ITPR2: variants seen among roughly 807,000 people sequenced by gnomAD.
ITPR2 encodes inositol 1,4,5-trisphosphate-gated calcium channel ITPR2.
ITPR2 carries 207 observed loss-of-function variants against 317.1 expected under a neutral mutation model. The ratio of observed to expected loss-of-function variants is 0.65; its 90% CI spans 0.58 to 0.73. The LOEUF (loss-of-function observed/expected upper bound fraction) is 0.73. Ranked by LOEUF, ITPR2 falls within the 30% of genes least tolerant of loss-of-function variation. The pLI is 0.00. For synonymous variants in ITPR2, 1,156 were observed against 1,149.1 expected (o/e 1.01, Z -0.12); for missense variants, 2,613 against 3,284.0 (o/e 0.80, Z 4.99).
chr12:26,440,906 TGGA>T (rs1941473385), intron 46 of ITPR2, among the ~76,000 whole-genome samples: 1 of 152,154 alleles, frequency 6.6e-6, no homozygotes, highest in Non-Finnish European at 1.5e-5. Context: ...CTGAAGGAAA[TGGA>T]GGTGTGTTAA....
rs1337970776 is a variant in ITPR2, at chr12:26,461,621, CATATAAATATATATAT to C, written c.6342+13659_6342+13674del. On this transcript the variant is annotated intron_variant, in intron 45 of 56. Coordinates refer to ENST00000381340, the MANE Select transcript of ITPR2 (RefSeq NM_002223.4). ...AAGCTGACAATAAGAAAAAGAAAAG[CATATAAATATATATAT>C]ATATATATATATATATATATATATA... is the stretch of plus-strand genomic sequence containing the variant. 9.5e-4 allele frequency among the ~76,000 whole-genome samples: 114 copies of C among 119,426 alleles called. 4 individuals carry two copies. The highest frequency in any genetic ancestry group is 4.1e-3 in the African/African-American group (101 of 24,500). The allele number at this position is 119,426 out of a possible 152,430, so 78.3% of individuals were successfully genotyped here.
rs112882145 is a variant in ITPR2, at chr12:26,449,801, T to C, written c.6343-6151A>G. On this transcript the variant is annotated intron_variant, in intron 45 of 56. Coordinates refer to ENST00000381340, the MANE Select transcript of ITPR2 (RefSeq NM_002223.4). ...TTGGGAGCCACACTAAATGCCAGTG[T>C]GAGGAGTTCAAATACAGAATACTGT... Among the ~76,000 whole-genome samples the C allele has an allele frequency of 2.4e-3, 372 of 152,178 alleles. 4 individuals carry two copies. The highest frequency in any genetic ancestry group is 8.6e-3 in the African/African-American group (356 of 41,506).
intron 43 of ITPR2, among the ~76,000 whole-genome samples, chr12:26,479,158 A>C (rs1942489054): frequency 6.7e-6 from 1 of 148,916 alleles, no homozygotes; most frequent in Non-Finnish European, 1.5e-5. Context: ...AAAAAAAAAA[A>C]ACTATACTTT....
chr12:26,811,885 C>G (rs575580011), intron 1 of ITPR2, among the ~76,000 whole-genome samples: 6 of 138,338 alleles, frequency 4.3e-5, no homozygotes, highest in Non-Finnish European at 9.4e-5. Flanking sequence ...AATCTAGGGC[C>G]GGGCGTGGTG....
chr12:26,773,310 G>A (rs771801458), intron 2 of ITPR2, among the ~76,000 whole-genome samples: 1 of 152,144 alleles, frequency 6.6e-6, no homozygotes, highest in African/African-American at 2.4e-5. Flanking sequence ...AATAGTCTTG[G>A]CTGTTAAAAT....
At chr12:26,512,879 G>C (rs1290071638) in intron 37 of ITPR2, among the ~76,000 whole-genome samples, 1 of 149,238 alleles carries the variant, frequency 6.7e-6, no homozygotes, top group Admixed American at 6.7e-5. Flanking sequence ...CTAGAGTGCA[G>C]TGGCGCGATT....
At chr12:26,690,436 C>T (rs899312041) in intron 10 of ITPR2, among the ~76,000 whole-genome samples, 1 of 152,086 alleles carries the variant, frequency 6.6e-6, no homozygotes, top group African/African-American at 2.4e-5. Flanking sequence ...TCTCCTGCAC[C>T]CCAATATTCT....
chr12:26,754,950 A>T (rs1281532962), intron 2 of ITPR2, among the ~76,000 whole-genome samples: 2 of 152,222 alleles, frequency 1.3e-5, no homozygotes, highest in South Asian at 2.1e-4. Flanking sequence ...GTTTAACATC[A>T]GTAGTGCACT....
intron 9 of ITPR2, among the ~76,000 whole-genome samples, chr12:26,700,825 G>T (rs1332212260): frequency 1.3e-5 from 2 of 152,222 alleles, no homozygotes; most frequent in African/African-American, 4.8e-5. Flanking sequence ...AAAGGACAAA[G>T]TGGATGTGAA....
Position 26,711,367 on chromosome 12 carries a change from C to T in ITPR2, c.856-99G>A, listed in dbSNP as rs1401147889. The T allele has an allele frequency of 4.1e-5, 32 of 787,740 alleles. No individual in the cohort carries two copies. In the South Asian group the frequency reaches 4.6e-4, roughly 11 times the overall value. 48.8% of individuals were successfully genotyped at this position (787,740 alleles called of 1,614,324 possible). A position where few individuals can be genotyped will look rare whatever the true frequency, so the allele number is the denominator to read the frequency against. ...TGCCTGCCCTCCTGTTAATACTGAT[C>T]TGTCAAACCTAATATATGTTTCCAT... On this transcript the variant is annotated intron_variant, in intron 8 of 56. Transcript: ENST00000381340.
At chr12:26,571,656 A>T (rs1945163796) in intron 34 of ITPR2, among the ~76,000 whole-genome samples, 1 of 152,256 alleles carries the variant, frequency 6.6e-6, no homozygotes, top group South Asian at 2.1e-4. Flanking sequence ...AGGGATTCAG[A>T]TCCTGGCTCA....
intron 54 of ITPR2, among the ~76,000 whole-genome samples, chr12:26,398,252 G>C (rs191657778): frequency 6.6e-6 from 1 of 151,998 alleles, no homozygotes. Flanking sequence ...GCAAAACCCC[G>C]GCTCTACTGA....
At chr12:26,678,631 G>A (rs1014540500) in intron 13 of ITPR2, among the ~76,000 whole-genome samples, 7 of 152,148 alleles carry the variant, frequency 4.6e-5, no homozygotes, top group African/African-American at 1.7e-4. Flanking sequence ...GAATTTTGAT[G>A]GGAGGTGGCT....
At chr12:26,719,553 C>T (rs547117098) in intron 5 of ITPR2, among the ~76,000 whole-genome samples, 1 of 152,142 alleles carries the variant, frequency 6.6e-6, no homozygotes, top group South Asian at 2.1e-4. Flanking sequence ...AAGAACATCA[C>T]AATAGGAATC....
chr12:26,578,647 C>T (rs1945328230), intron 34 of ITPR2, 66 bp downstream of exon 34: 7 of 1,439,392 alleles, frequency 4.9e-6, no homozygotes, highest in Non-Finnish European at 5.7e-6. Flanking sequence ...CTTGTGTTGC[C>T]CATTAGCCAA....
intron 34 of ITPR2, among the ~76,000 whole-genome samples, chr12:26,574,091 C>T (rs889176607): frequency 6.6e-6 from 1 of 152,060 alleles, no homozygotes; most frequent in African/African-American, 2.4e-5. Context: ...AGGGAAGAAT[C>T]CACTGTGACC....
At chr12:26,597,890 T>TC (rs1945890640) in intron 30 of ITPR2, among the ~76,000 whole-genome samples, 1 of 152,208 alleles carries the variant, frequency 6.6e-6, no homozygotes, top group South Asian at 2.1e-4. Flanking sequence ...ACAATTTTTT[T>TC]CTCTAGGTAT....
chr12:26,727,450 C>A (rs948387406), intron 2 of ITPR2, among the ~76,000 whole-genome samples: 1 of 152,208 alleles, frequency 6.6e-6, no homozygotes, highest in African/African-American at 2.4e-5. Context: ...TTGTGTTTCT[C>A]TTCATTATTA....
At chr12:26,812,107 G>A (rs897782341) in intron 1 of ITPR2, among the ~76,000 whole-genome samples, 17 of 149,508 alleles carry the variant, frequency 1.1e-4, no homozygotes, top group African/African-American at 3.5e-4. Flanking sequence ...AGGTTGCAGT[G>A]AGCCGAGCTC....
Sources: gnomAD v4.1 joint callset for allele counts (sites outside exome capture counted in the v4.1 genomes callset) on GRCh38, gnomAD v4.1.1 for gene constraint, MANE v1.5 for transcripts, NCBI Gene and HGNC (gene_info 2026-07-23, HGNC 2026-07-21) for gene names.